Variants in TBL1XR1 observed in about 807,000 individuals in gnomAD.
TBL1XR1 encodes the protein TBL1X/Y related 1.
TBL1XR1 carries 5 observed loss-of-function variants against 66.9 expected under a neutral mutation model. The observed-to-expected ratio is 0.07, with a 90% confidence interval of 0.04 to 0.16. TBL1XR1 has a LOEUF of 0.16. Among genes scored for constraint, TBL1XR1 ranks in the 10% least tolerant of loss-of-function variants. The probability of loss-of-function intolerance (pLI) is 1.00; values close to 1 mark genes in which losing one functional copy is unlikely to be tolerated. For synonymous variants in TBL1XR1, 210 were observed against 206.0 expected (o/e 1.02, Z -0.17); for missense variants, 238 against 623.2 (o/e 0.38, Z 6.58).
intron 1 of TBL1XR1, among the ~76,000 whole-genome samples, chr3:177,103,394 T>C (rs1724472372): frequency 1.3e-5 from 2 of 152,224 alleles, no homozygotes; most frequent in African/African-American, 4.8e-5. Flanking sequence ...AACAAAAAGC[T>C]TTGCTTCCAA....
chr3:177,156,456 G>A (rs1049434795), intron 1 of TBL1XR1, among the ~76,000 whole-genome samples: 7 of 149,364 alleles, frequency 4.7e-5, no homozygotes, highest in South Asian at 2.1e-4. Context: ...CCAAGAACAC[G>A]CCATTGCAGC....
intron 11 of TBL1XR1, 54 bp downstream of exon 11, chr3:177,038,259 T>C: frequency 1.9e-6 from 3 of 1,595,610 alleles, no homozygotes; most frequent in Non-Finnish European, 2.6e-6. Context: ...AAAACTATTC[T>C]GAAACATTAC....
At chr3:177,082,495 T>C (rs1181623367) in intron 2 of TBL1XR1, among the ~76,000 whole-genome samples, 1 of 151,612 alleles carries the variant, frequency 6.6e-6, no homozygotes, top group African/African-American at 2.4e-5. Flanking sequence ...GATACATATA[T>C]TTAAAAATTG....
chr3:177,190,133 C>CAAAAA (rs548783302), intron 1 of TBL1XR1, among the ~76,000 whole-genome samples: 34 of 69,406 alleles, frequency 4.9e-4, no homozygotes, highest in East Asian at 4.4e-3. Context: ...AACTCCATCT[C>CAAAAA]AAAAAAAAAA....
chr3:177,176,292 G>A (rs1734144080), intron 1 of TBL1XR1, among the ~76,000 whole-genome samples: 1 of 151,080 alleles, frequency 6.6e-6, no homozygotes, highest in Non-Finnish European at 1.5e-5. Flanking sequence ...CGCCCCCTGG[G>A]CTCAAGCGAT....
intron 13 of TBL1XR1, 89 bp downstream of exon 13, chr3:177,034,109 C>T: frequency 7.5e-7 from 1 of 1,329,906 alleles, no homozygotes; most frequent in Non-Finnish European, 1.0e-6. Flanking sequence ...GTTTCCACTT[C>T]ATGAAATCTT....
intron 2 of TBL1XR1, among the ~76,000 whole-genome samples, chr3:177,090,200 C>G (rs1356794630): frequency 2.0e-5 from 3 of 152,106 alleles, no homozygotes; most frequent in African/African-American, 7.2e-5. Flanking sequence ...TTTAAGAATA[C>G]CCATGGATTT....
intron 2 of TBL1XR1, among the ~76,000 whole-genome samples, chr3:177,067,485 TC>T (rs35671192): frequency 0.43 from 65,919 of 151,950 alleles, 14,492 homozygotes; most frequent in East Asian, 0.58. Context: ...AAGTGATGCT[TC>T]CAGCACCACC....
At chr3:177,164,595 G>A (rs939028957) in intron 1 of TBL1XR1, among the ~76,000 whole-genome samples, 42 of 152,102 alleles carry the variant, frequency 2.8e-4, no homozygotes, top group African/African-American at 9.6e-4. Context: ...TGATCCACCC[G>A]CCTCGGCCTT....
intron 2 of TBL1XR1, among the ~76,000 whole-genome samples, chr3:177,073,428 A>G (rs575635085): frequency 2.1e-4 from 32 of 152,236 alleles, no homozygotes; most frequent in Non-Finnish European, 4.1e-4. Context: ...CTTAAAAGCC[A>G]TAAATATCAG....
chr3:177,163,732 T>TGGTAGG (rs1358946585), intron 1 of TBL1XR1, among the ~76,000 whole-genome samples: 7 of 151,998 alleles, frequency 4.6e-5, no homozygotes, highest in East Asian at 1.9e-4. Flanking sequence ...GAAAGTAACT[T>TGGTAGG]GGTAGGGGTA....
intron 1 of TBL1XR1, among the ~76,000 whole-genome samples, chr3:177,179,831 G>T (rs974171100): frequency 6.6e-6 from 1 of 152,150 alleles, no homozygotes; most frequent in Non-Finnish European, 1.5e-5. Context: ...GAATCATCTG[G>T]AAGAAAACGC....
Position 177,026,334 on chromosome 3 carries a change from C to T in TBL1XR1, c.1518+39G>A, listed in dbSNP as rs565347588. 56 of 1,491,908 alleles carry T rather than the reference C, an allele frequency of 3.8e-5. 1 individual carries two copies. In the South Asian group the frequency reaches 5.7e-4, roughly 15 times the overall value. The allele number at this position is 1,491,908 out of a possible 1,614,324, so 92.4% of individuals were successfully genotyped here. A position where few individuals can be genotyped will look rare whatever the true frequency, so the allele number is the denominator to read the frequency against. On this transcript the variant is annotated intron_variant, in intron 15 of 15. Coordinates refer to ENST00000457928, the MANE Select transcript of TBL1XR1 (RefSeq NM_024665.7). ...ATAAGCTGCATTCTGATGTGAATAC[C>T]CACCCACACCCTCTTTGGAAACACT...
At chr3:177,148,379 C>T (rs1730489847) in intron 1 of TBL1XR1, among the ~76,000 whole-genome samples, 1 of 152,122 alleles carries the variant, frequency 6.6e-6, no homozygotes, top group Non-Finnish European at 1.5e-5. Context: ...TTTAAAATTC[C>T]CAGCTTCTCT....
At position 177,082,679 on chromosome 3, in the gene TBL1XR1, A is replaced by C. The variant is rs575522424; in HGVS notation, c.-46+15787T>G. Among the ~76,000 whole-genome samples, 32 of 146,010 alleles carry C rather than the reference A, an allele frequency of 2.2e-4. 2 individuals are homozygous for C. The South Asian group carries it at 6.8e-3, about 31-fold the overall frequency. On this transcript the variant is annotated intron_variant, in intron 2 of 15. Transcript: ENST00000457928. ...TGAAAGAACCATAAAATCCTGTCAC[A>C]GTGGCTTTTTAATCCAACAACTCCC...
At chr3:177,057,656 G>A (rs903716348) in intron 3 of TBL1XR1, among the ~76,000 whole-genome samples, 3 of 152,098 alleles carry the variant, frequency 2.0e-5, no homozygotes, top group African/African-American at 7.2e-5. Flanking sequence ...TCCAGGGACA[G>A]CTTTTGATTT....
chr3:177,055,918 T>C (rs1013008073), intron 3 of TBL1XR1, among the ~76,000 whole-genome samples: 13 of 152,230 alleles, frequency 8.5e-5, no homozygotes, highest in Admixed American at 2.0e-4. Flanking sequence ...TTTATTATTT[T>C]ATAATCTAAT....
intron 1 of TBL1XR1, among the ~76,000 whole-genome samples, chr3:177,100,821 T>C (rs554135007): frequency 3.9e-5 from 6 of 152,182 alleles, no homozygotes; most frequent in African/African-American, 1.4e-4. Flanking sequence ...AGTTCGTTCT[T>C]GTAGTTTAAG....
At chr3:177,051,452 AAAAT>A (rs560894815) in intron 5 of TBL1XR1, 48 bp downstream of exon 5, 549 of 1,504,588 alleles carry the variant, frequency 3.6e-4, no homozygotes, top group Admixed American at 1.1e-3. Context: ...AAAGTTTAAA[AAAAT>A]AAATAAATAA....
Sources: gnomAD v4.1 joint callset for allele counts (sites outside exome capture counted in the v4.1 genomes callset) on GRCh38, gnomAD v4.1.1 for gene constraint, MANE v1.5 for transcripts, NCBI Gene and HGNC (gene_info 2026-07-23, HGNC 2026-07-21) for gene names.